Variants in ADAM12 observed in about 807,000 individuals in gnomAD.
ADAM12 encodes disintegrin and metalloproteinase domain-containing protein 12.
Under a neutral mutation model 106.4 loss-of-function variants are expected in ADAM12, and 70 were observed. The observed-to-expected ratio is 0.66, with a 90% CI of 0.54 to 0.80. The LOEUF is 0.80. ADAM12 is among the 30% of genes least tolerant of loss of function. ADAM12 has a pLI of 0.00. For missense variants in ADAM12, 1,010 were observed against 1,171.9 expected (o/e 0.86, Z 2.02); for synonymous variants, 420 against 433.5 (o/e 0.97, Z 0.39).
chr10:126,189,484 A>G (rs1957457905), intron 3 of ADAM12, among the ~76,000 whole-genome samples: 1 of 152,212 alleles, frequency 6.6e-6, no homozygotes, highest in African/African-American at 2.4e-5. Flanking sequence ...AACAGCAGCC[A>G]CAAGTACGGC....
Position 126,312,075 on chromosome 10 carries a change from T to C in ADAM12, c.186+18337A>G, listed in dbSNP as rs1434928580. On this transcript the variant is annotated intron_variant, in intron 2 of 22. Transcript: ENST00000448723. The stretch of plus-strand genomic sequence containing the variant: ...TGCTAACTCCAGGTAGTCAGCATCA[T>C]AACTGAACTGTAGGACACCCAACTG... Among the ~76,000 whole-genome samples, 3 of 135,854 alleles carry C rather than the reference T, an allele frequency of 2.2e-5. No individual in the cohort carries two copies. In the South Asian group the frequency reaches 6.9e-4, roughly 31 times the overall value. The allele number at this position is 135,854 out of a possible 152,430, so 89.1% of individuals were successfully genotyped here. A position where few individuals can be genotyped will look rare whatever the true frequency, so the allele number is the denominator to read the frequency against.
intron 3 of ADAM12, among the ~76,000 whole-genome samples, chr10:126,193,826 G>A (rs1957547583): frequency 1.3e-5 from 2 of 152,088 alleles, no homozygotes; most frequent in Admixed American, 1.3e-4. Flanking sequence ...GAATTCGGGA[G>A]GCAGAAGTTG....
intron 11 of ADAM12, among the ~76,000 whole-genome samples, chr10:126,080,529 GA>G (rs139176883): frequency 0.12 from 18,334 of 151,766 alleles, 1,365 homozygotes; most frequent in African/African-American, 0.2. Context: ...TGCGGCCCAG[GA>G]AAAAAAAGTG....
chr10:126,369,932 T>A (rs968255763), intron 1 of ADAM12, among the ~76,000 whole-genome samples: 2 of 152,222 alleles, frequency 1.3e-5, no homozygotes, highest in African/African-American at 4.8e-5. Flanking sequence ...GATTGGATTA[T>A]ACAACTTGTG....
chr10:126,255,715 G>A (rs1230162777), intron 3 of ADAM12, among the ~76,000 whole-genome samples: 2 of 152,172 alleles, frequency 1.3e-5, no homozygotes, highest in African/African-American at 2.4e-5. Context: ...AAAGCACCTG[G>A]CTCCATGAGG....
chr10:126,271,625 T>C (rs1442623133), intron 3 of ADAM12, among the ~76,000 whole-genome samples: 1 of 152,166 alleles, frequency 6.6e-6, no homozygotes, highest in Non-Finnish European at 1.5e-5. Context: ...ACTAGCTGGA[T>C]ATTGCAGCGC....
At chr10:126,259,634 T>C (rs1958959809) in intron 3 of ADAM12, among the ~76,000 whole-genome samples, 1 of 152,246 alleles carries the variant, frequency 6.6e-6, no homozygotes, top group Non-Finnish European at 1.5e-5. Context: ...CTTTGTTCTC[T>C]ACTACAAACG....
intron 1 of ADAM12, among the ~76,000 whole-genome samples, chr10:126,378,672 G>T (rs1283366327): frequency 6.6e-6 from 1 of 152,160 alleles, no homozygotes; most frequent in Non-Finnish European, 1.5e-5. Flanking sequence ...GGGAGAAAAG[G>T]TATGGCTATA....
intron 3 of ADAM12, among the ~76,000 whole-genome samples, chr10:126,232,390 C>T (rs996304893): frequency 1.6e-4 from 24 of 152,130 alleles, no homozygotes; most frequent in Non-Finnish European, 2.9e-5. Flanking sequence ...GGAACACAGC[C>T]CCACCCACAC....
At chr10:126,202,735 T>C (rs922416860) in intron 3 of ADAM12, among the ~76,000 whole-genome samples, 3 of 152,162 alleles carry the variant, frequency 2.0e-5, no homozygotes, top group Non-Finnish European at 2.9e-5. Flanking sequence ...GAGCTTCATA[T>C]CAACAGAATT....
intron 14 of ADAM12, among the ~76,000 whole-genome samples, chr10:126,051,584 TCCATCCAGCCAG>T (rs1470218778): frequency 9.0e-5 from 11 of 122,306 alleles, no homozygotes; most frequent in African/African-American, 3.2e-4. Flanking sequence ...CATCCATCCA[TCCATCCAGCCAG>T]CCAGCCACCT....
intron 1 of ADAM12, among the ~76,000 whole-genome samples, chr10:126,369,801 C>T (rs1354993478): frequency 6.6e-6 from 1 of 152,080 alleles, no homozygotes; most frequent in Non-Finnish European, 1.5e-5. Context: ...CCAGTGCCCC[C>T]GCCTCCTGGT....
intron 2 of ADAM12, among the ~76,000 whole-genome samples, chr10:126,286,690 T>C (rs1291445870): frequency 1.3e-5 from 2 of 152,204 alleles, no homozygotes; most frequent in Non-Finnish European, 2.9e-5. Context: ...TTGAATTAAC[T>C]GCAGTATAAC....
Position 126,013,913 on chromosome 10 carries a change from T to C in ADAM12, c.*3366A>G, listed in dbSNP as rs1472931627. Reference sequence around the variant, plus strand: ...GCCCCACCTCTGGTCAGCACTAGTGTTGGGAGACTTCTGGGAGGGATTGTG... The same window carrying C: ...GCCCCACCTCTGGTCAGCACTAGTGCTGGGAGACTTCTGGGAGGGATTGTG... On this transcript the variant is annotated 3_prime_UTR_variant, in exon 23 of 23. Transcript: ENST00000448723. This position sits in a 1 kb window ranked among gnomAD's most constrained non-coding sequence, Gnocchi z 4.3. 2.0e-5 allele frequency: 3 copies of C among 152,480 alleles called. No homozygotes were observed. Among genetic ancestry groups the C allele is most frequent in the Non-Finnish European group, 4.4e-5 (3 of 68,316 alleles). The allele number at this position is 152,480 out of a possible 1,614,324, so 9.4% of individuals were successfully genotyped here. A position where few individuals can be genotyped will look rare whatever the true frequency, so the allele number is the denominator to read the frequency against.
rs117031533 is a variant in ADAM12 at position 126,163,893 on chromosome 10, C to T, written c.261-8588G>A. Among the ~76,000 whole-genome samples the T allele has an allele frequency of 2.4e-3, 370 of 152,266 alleles. 1 individual carries two copies. In the East Asian group the frequency reaches 0.029, roughly 12 times the overall value. On this transcript the variant is annotated intron_variant, in intron 3 of 22. Coordinates refer to ENST00000448723, the MANE Select transcript of ADAM12 (RefSeq NM_001288973.2). ...AGAAACTGAATCATTATCATAGAAA[C>T]GCAACCCAATCTGGATAGAATGTGT... is the stretch of plus-strand genomic sequence containing the variant.
At chr10:126,109,903 GT>G (rs1955839500) in intron 6 of ADAM12, 63 bp from the exon 7 acceptor site, 1 of 1,504,382 alleles carries the variant, frequency 6.6e-7, no homozygotes, top group Non-Finnish European at 9.1e-7. Context: ...GACTGTCAAT[GT>G]CTCTCAATCT....
intron 2 of ADAM12, among the ~76,000 whole-genome samples, chr10:126,292,612 C>A (rs1016876514): frequency 6.6e-6 from 1 of 152,222 alleles, no homozygotes; most frequent in Non-Finnish European, 1.5e-5. Context: ...TGCTCTAGAG[C>A]AGGGTTGATG....
chr10:126,122,466 A>T (rs1256424910), intron 5 of ADAM12, among the ~76,000 whole-genome samples: 1 of 152,204 alleles, frequency 6.6e-6, no homozygotes, highest in Non-Finnish European at 1.5e-5. Flanking sequence ...AACTTAAAAA[A>T]ATAGGCAAAG....
intron 3 of ADAM12, among the ~76,000 whole-genome samples, chr10:126,252,452 A>G (rs1958805797): frequency 6.6e-6 from 1 of 152,188 alleles, no homozygotes; most frequent in Admixed American, 6.5e-5. Flanking sequence ...CCCGAACACC[A>G]AGGGAGCTGA....
Sources: allele counts gnomAD v4.1 joint callset (sites outside exome capture counted in the v4.1 genomes callset), GRCh38; gene constraint gnomAD v4.1.1; non-coding constraint Gnocchi (gnomAD v3.1); transcripts MANE v1.5; gene names NCBI Gene and HGNC (gene_info 2026-07-23, HGNC 2026-07-21).